Variants in PARP4 observed in about 807,000 individuals in gnomAD.
The protein encoded by PARP4 is poly(ADP-ribose) polymerase family member 4.
In PARP4, 120 loss-of-function variants were observed where a neutral mutation model predicts 187.7. The observed-to-expected ratio is 0.64, with a 90% CI of 0.55 to 0.74. The LOEUF is 0.74. Ranked by LOEUF, PARP4 falls within the 30% of genes least tolerant of loss-of-function variation. The probability of loss-of-function intolerance (pLI) is 0.00; values close to 1 mark genes in which losing one functional copy is unlikely to be tolerated. For missense variants in PARP4, 1,836 were observed against 2,070.5 expected (o/e 0.89, Z 2.20); for synonymous variants, 654 against 740.9 (o/e 0.88, Z 1.90).
At position 24,469,947 on chromosome 13, in the gene PARP4, C is replaced by T. The variant is rs751387621; in HGVS notation, c.1993G>A (p.Ala665Thr). The change falls in exon 16 of 34, where the codon GCC becomes ACC. Residue 665 changes from alanine to threonine, a missense_variant. Ala to Thr is a moderately conservative substitution (Grantham distance 58). This residue lies in a region of PARP4 where 1,147 missense variants were observed against 1,214.2 expected (regional missense o/e 0.94). Transcript: ENST00000381989. ...AAGGCTTCGAAGCCACACACAGCGG[C>T]CTTGTCATCCAAAGGAAAGATATAT... ...AKYIFPLDDK[A>T]AVCGFEAFIN... 6.2e-7 allele frequency: 1 copy of T among 1,613,832 alleles called. No individual in the cohort carries two copies. The highest frequency in any genetic ancestry group is 8.5e-7 in the Non-Finnish European group (1 of 1,179,828).
rs558676212 is a variant in PARP4 at position 24,493,801 on chromosome 13, G to T, written c.742-68C>A. ...GTGAGTTTGTGTAAAACTTACATGG[G>T]CCAACGAACAGAGGTGTGAGGAGAA... On this transcript the variant is annotated intron_variant, in intron 7 of 33. Transcript: ENST00000381989. The T allele has an allele frequency of 5.0e-5, 74 of 1,470,392 alleles. No homozygotes were observed. The East Asian group carries it at 1.6e-3, about 31-fold the overall frequency. 91.1% of individuals were successfully genotyped at this position (1,470,392 alleles called of 1,614,324 possible).
chr13:24,452,342 CT>C, intron 24 of PARP4, 63 bp downstream of exon 24: 1 of 1,367,226 alleles, frequency 7.3e-7, no homozygotes, highest in Non-Finnish European at 1.0e-6. Flanking sequence ...CCAAAGTCCC[CT>C]GCAGGGCAAC....
At chr13:24,476,526 T>C (rs1377088024) in intron 14 of PARP4, among the ~76,000 whole-genome samples, 2 of 152,174 alleles carry the variant, frequency 1.3e-5, no homozygotes, top group Non-Finnish European at 2.9e-5. Context: ...AATCAACTCC[T>C]ATGGCAGCAT....
chr13:24,441,735 T>C (rs1343911720), intron 30 of PARP4, 111 bp downstream of exon 30: 5 of 924,222 alleles, frequency 5.4e-6, no homozygotes, highest in Non-Finnish European at 8.2e-6. Flanking sequence ...TCATCAGGGA[T>C]ACAACTTCTT....
chr13:24,469,604 C>A (rs1872643837), intron 16 of PARP4, among the ~76,000 whole-genome samples: 1 of 152,138 alleles, frequency 6.6e-6, no homozygotes, highest in Non-Finnish European at 1.5e-5. Context: ...GCCACTGCAC[C>A]CGGCCCTCTT....
intron 8 of PARP4, 34 bp downstream of exon 8, chr13:24,493,562 T>G (rs777315448): frequency 7.6e-6 from 12 of 1,587,544 alleles, no homozygotes; most frequent in Non-Finnish European, 9.4e-6. Flanking sequence ...GAGGCAGATT[T>G]TTCACATTCT....
intron 1 of PARP4, among the ~76,000 whole-genome samples, chr13:24,504,304 G>GTTTT (rs1447515666): frequency 9.3e-6 from 1 of 107,878 alleles, no homozygotes; most frequent in African/African-American, 3.5e-5. Flanking sequence ...CTGCATTTAG[G>GTTTT]TTCTTTTTTT....
chr13:24,503,801 G>A, intron 1 of PARP4, 24 bp from the exon 2 acceptor site: 1 of 1,605,806 alleles, frequency 6.2e-7, no homozygotes, highest in East Asian at 2.2e-5. Flanking sequence ...AGTTTTTAAG[G>A]ACCCTCTCTT....
At chr13:24,442,968 T>TTGGAAA (rs1871022836) in intron 28 of PARP4, among the ~76,000 whole-genome samples, 1 of 151,850 alleles carries the variant, frequency 6.6e-6, no homozygotes, top group Non-Finnish European at 1.5e-5. Flanking sequence ...ATTGGAAAGA[T>TTGGAAA]GGAATGACTT....
chr13:24,456,678 G>A (rs1193290747), intron 20 of PARP4, among the ~76,000 whole-genome samples, 200 bp from the exon 21 acceptor site: 2 of 152,058 alleles, frequency 1.3e-5, no homozygotes, highest in South Asian at 2.1e-4. Flanking sequence ...ACTTTGAGAC[G>A]CCGAGGTGGG....
intron 24 of PARP4, among the ~76,000 whole-genome samples, chr13:24,450,977 G>A (rs768475104): frequency 6.6e-6 from 1 of 152,192 alleles, no homozygotes; most frequent in Non-Finnish European, 1.5e-5. Flanking sequence ...CTGGGCTGGA[G>A]CGATCCTCCT....
chr13:24,429,373 G>A (rs183877280), intron 32 of PARP4, among the ~76,000 whole-genome samples: 61 of 152,116 alleles, frequency 4.0e-4, no homozygotes, highest in African/African-American at 1.3e-3. Context: ...CTGCTTCTTC[G>A]TATGTTATTA....
intron 14 of PARP4, among the ~76,000 whole-genome samples, chr13:24,476,938 G>C (rs918719920): frequency 2.0e-5 from 3 of 152,126 alleles, no homozygotes; most frequent in African/African-American, 7.2e-5. Flanking sequence ...AAGGTGGAGC[G>C]CAAAAGGTCA....
At chr13:24,486,121 C>G in intron 11 of PARP4, 47 bp downstream of exon 11, 1 of 1,550,864 alleles carries the variant, frequency 6.4e-7, no homozygotes, top group Non-Finnish European at 8.7e-7. Context: ...AAACACTTCA[C>G]ATTTGTGAGC....
At chr13:24,480,528 A>T (rs1290161818) in intron 12 of PARP4, among the ~76,000 whole-genome samples, 9 of 152,258 alleles carry the variant, frequency 5.9e-5, no homozygotes, top group Admixed American at 5.9e-4. Context: ...TGGTGAATGT[A>T]AAGAAACAAT....
intron 8 of PARP4, among the ~76,000 whole-genome samples, chr13:24,493,088 G>T (rs1366002824): frequency 6.6e-6 from 1 of 152,188 alleles, no homozygotes; most frequent in Non-Finnish European, 1.5e-5. Flanking sequence ...ATACAACAAT[G>T]CAGTTGCACA....
chr13:24,452,461 A>T lies in PARP4; in HGVS notation c.2959T>A (p.Leu987Ile). 1 of 1,614,104 alleles carries T rather than the reference A, an allele frequency of 6.2e-7. No homozygotes were observed. Among genetic ancestry groups the T allele is most frequent in the Non-Finnish European group, 8.5e-7 (1 of 1,180,002 alleles). ...DGHLQDESLT[L>I]QLVKRSRPHT... ...GGGCGGCTCCTCTTCACGAGCTGTA[A>T]TGTCAGGCTCTCATCCTGGAGGTGC... The change falls in exon 24 of 34, where the codon TTA becomes ATA. Residue 987 changes from leucine (L) to isoleucine (I), a missense_variant. By Grantham distance (5) the Leu-to-Ile change is conservative. Transcript: ENST00000381989.
chr13:24,490,302 T>G (rs949323689), intron 10 of PARP4, among the ~76,000 whole-genome samples: 2 of 152,194 alleles, frequency 1.3e-5, no homozygotes, highest in African/African-American at 2.4e-5. Context: ...CAGTTTTTCA[T>G]GCCACAGAGA....
chr13:24,470,558 T>C (rs1441258171), intron 15 of PARP4, among the ~76,000 whole-genome samples: 1 of 152,190 alleles, frequency 6.6e-6, no homozygotes, highest in Non-Finnish European at 1.5e-5. Context: ...TATTATCTAA[T>C]TAATCTTTCC....
Sources: gnomAD v4.1 joint callset for allele counts (sites outside exome capture counted in the v4.1 genomes callset) on GRCh38, gnomAD v4.1.1 for gene constraint, gnomAD v4.1.1 regional missense constraint, MANE v1.5 for transcripts, NCBI Gene and HGNC (gene_info 2026-07-23, HGNC 2026-07-21) for gene names.